The following ASTN2 variants were observed in gnomAD, a reference collection of about 807,000 sequenced individuals.
The protein encoded by ASTN2 is astrotactin-2.
Under a neutral mutation model 139.8 loss-of-function variants are expected in ASTN2, and 54 were observed. The observed-to-expected ratio is 0.39, with a 90% CI of 0.31 to 0.48. The LOEUF is 0.48. Ranked by LOEUF, ASTN2 falls within the 20% of genes least tolerant of loss-of-function variation. The pLI is 0.95. For synonymous variants in ASTN2, 756 were observed against 719.5 expected (o/e 1.05, Z -0.81); for missense variants, 1,565 against 1,725.1 (o/e 0.91, Z 1.64).
chr9:116,547,234 A>G (rs1229514286), intron 19 of ASTN2: 1 of 152,248 alleles, frequency 6.6e-6, no homozygotes, highest in African/African-American at 2.4e-5. Flanking sequence ...TGATAACAGC[A>G]ATAATCTCTT....
intron 1 of ASTN2, among the ~76,000 whole-genome samples, chr9:117,345,326 C>G (rs1004057949): frequency 6.6e-6 from 1 of 152,140 alleles, no homozygotes; most frequent in African/African-American, 2.4e-5. Context: ...AATCCCTGAC[C>G]AGATGGATTT....
intron 11 of ASTN2, among the ~76,000 whole-genome samples, chr9:116,861,915 T>G (rs1832891829): frequency 6.6e-6 from 1 of 151,544 alleles, no homozygotes; most frequent in Non-Finnish European, 1.5e-5. Context: ...TGACATTGCT[T>G]GAGTCCTTCA....
intron 17 of ASTN2, among the ~76,000 whole-genome samples, chr9:116,638,438 G>C (rs1234604193): frequency 2.0e-5 from 3 of 151,990 alleles, no homozygotes; most frequent in Non-Finnish European, 4.4e-5. Flanking sequence ...GTGACCAGAT[G>C]AAAGACAATC....
At chr9:116,718,996 C>CATATATA (rs1828400933) in intron 16 of ASTN2, among the ~76,000 whole-genome samples, 1 of 40,030 alleles carries the variant, frequency 2.5e-5, no homozygotes, top group African/African-American at 9.5e-5. Context: ...ATATATCTGC[C>CATATATA]TATAAGTCTC....
chr9:117,110,388 T>C (rs1829220903), intron 4 of ASTN2, among the ~76,000 whole-genome samples: 1 of 152,212 alleles, frequency 6.6e-6, no homozygotes, highest in Admixed American at 6.5e-5. Flanking sequence ...TATTGGAAAA[T>C]GGAAAATCGC....
At chr9:117,091,161 G>A (rs1195929946) in intron 5 of ASTN2, among the ~76,000 whole-genome samples, 1 of 152,174 alleles carries the variant, frequency 6.6e-6, no homozygotes, top group Non-Finnish European at 1.5e-5. Flanking sequence ...TTTCCCAGCA[G>A]GCAGGCATAA....
intron 1 of ASTN2, among the ~76,000 whole-genome samples, chr9:117,408,718 AC>A (rs571829589): frequency 2.4e-4 from 36 of 152,126 alleles, no homozygotes; most frequent in Non-Finnish European, 3.8e-4. Context: ...GGTATCACTG[AC>A]CCCCCAAGAA....
intron 19 of ASTN2, among the ~76,000 whole-genome samples, chr9:116,529,937 C>T (rs1851250718): frequency 6.6e-6 from 1 of 151,498 alleles, no homozygotes; most frequent in South Asian, 2.1e-4. Flanking sequence ...TTCTTTATAG[C>T]AGTGTGTAAA....
intron 7 of ASTN2, among the ~76,000 whole-genome samples, chr9:117,002,675 C>A (rs1304906466): frequency 6.6e-6 from 1 of 152,194 alleles, no homozygotes; most frequent in Non-Finnish European, 1.5e-5. Flanking sequence ...AAATTCCGTT[C>A]TTCCTTCCTG....
chr9:117,268,456 G>C (rs1046351699), intron 2 of ASTN2, among the ~76,000 whole-genome samples: 7 of 152,202 alleles, frequency 4.6e-5, no homozygotes, highest in Non-Finnish European at 1.0e-4. Context: ...CTTCCTCCAG[G>C]AGGCTTTCCT....
rs148013976 is a variant in ASTN2, at chr9:117,362,477, T to C, written c.442+52020A>G. ...GATCAGTGGGCAGGTAAGGGAGAGA[T>C]AGGTCAGGGTATTTATTATCCTCCC... On this transcript the variant is annotated intron_variant, in intron 1 of 22. Coordinates refer to ENST00000313400, the MANE Select transcript of ASTN2 (RefSeq NM_001365068.1). Among the ~76,000 whole-genome samples, 84 of 152,200 alleles carry C rather than the reference T, an allele frequency of 5.5e-4. 1 individual carries two copies. Among genetic ancestry groups the C allele is most frequent in the African/African-American group, 2.0e-3 (82 of 41,534 alleles).
At chr9:117,306,849 C>A (rs1203073471) in intron 1 of ASTN2, among the ~76,000 whole-genome samples, 1 of 152,112 alleles carries the variant, frequency 6.6e-6, no homozygotes, top group African/African-American at 2.4e-5. Context: ...TCCCTCATAA[C>A]CACCACCCTA....
At chr9:116,873,402 T>A (rs1399222016) in intron 10 of ASTN2, among the ~76,000 whole-genome samples, 1 of 152,178 alleles carries the variant, frequency 6.6e-6, no homozygotes, top group African/African-American at 2.4e-5. Context: ...AACACTGTCT[T>A]CCAAGTTACT....
Position 116,530,144 on chromosome 9 carries a change from TATATATAA to T in ASTN2, c.3356-42652_3356-42645del, listed in dbSNP as rs1330967733. Among the ~76,000 whole-genome samples the T allele has an allele frequency of 9.2e-3, 210 of 22,882 alleles. 16 individuals carry two copies. The highest frequency in any genetic ancestry group is 0.012 in the Admixed American group (34 of 2,728). The allele number at this position is 22,882 out of a possible 152,430, so 15.0% of individuals were successfully genotyped here. On this transcript the variant is annotated intron_variant, in intron 19 of 22. Coordinates refer to ENST00000313400, the MANE Select transcript of ASTN2 (RefSeq NM_001365068.1). ...ATATATATATATATATATATATATA[TATATATAA>T]AATAGAATATTATTAATCCTTAAAA...
chr9:117,153,933 A>G (rs376293936), intron 3 of ASTN2, among the ~76,000 whole-genome samples: 1 of 152,130 alleles, frequency 6.6e-6, no homozygotes, highest in African/African-American at 2.4e-5. Flanking sequence ...CATTGTGACA[A>G]GAGTATATTA....
intron 4 of ASTN2, among the ~76,000 whole-genome samples, chr9:117,124,748 C>G (rs10983538): frequency 6.7e-6 from 1 of 149,970 alleles, no homozygotes; most frequent in African/African-American, 2.5e-5. Context: ...GAGGCTGTAG[C>G]GAGCCACCGT....
intron 19 of ASTN2, among the ~76,000 whole-genome samples, chr9:116,607,956 G>A (rs549748289): frequency 3.3e-5 from 5 of 152,264 alleles, no homozygotes; most frequent in South Asian, 2.1e-4. Flanking sequence ...GCGAGACTCC[G>A]TCTCAAACAA....
intron 4 of ASTN2, among the ~76,000 whole-genome samples, chr9:117,120,018 G>GTGTATGTA (rs1306397698): frequency 1.7e-4 from 8 of 46,000 alleles, no homozygotes; most frequent in Non-Finnish European, 3.1e-4. Context: ...GTGTGTGTGT[G>GTGTATGTA]TATATATATA....
chr9:117,221,847 GAAAAA>G (rs57161095), intron 2 of ASTN2, among the ~76,000 whole-genome samples: 137 of 145,048 alleles, frequency 9.4e-4, no homozygotes, highest in African/African-American at 3.2e-3. Context: ...AGTGTTAGAA[GAAAAA>G]AAAAAAAGAA....
Sources: gnomAD v4.1 joint callset for allele counts (sites outside exome capture counted in the v4.1 genomes callset) on GRCh38, gnomAD v4.1.1 for gene constraint, MANE v1.5 for transcripts, NCBI Gene and HGNC (gene_info 2026-07-23, HGNC 2026-07-21) for gene names.